Variants in ZNF226 observed in about 807,000 individuals in gnomAD.
ZNF226 encodes the protein Kruppel-associated box protein.
In ZNF226, 6 loss-of-function variants were observed where a neutral mutation model predicts 11.4. The observed-to-expected ratio is 0.53, with a 90% CI of 0.29 to 1.04. The LOEUF is 1.04. Among genes scored for constraint, ZNF226 ranks in the 50% least tolerant of loss-of-function variants. The pLI, the probability that ZNF226 is intolerant of heterozygous loss-of-function variation, is 0.08. For missense variants in ZNF226, 1,058 were observed against 956.5 expected, an observed-to-expected ratio of 1.11 and a Z score of -1.40; for synonymous variants, 350 against 322.8, an observed-to-expected ratio of 1.08 and a Z score of -0.90.
At chr19:44,190,420 G>A in the ZNF226 span, among the ~76,000 whole-genome samples, 2 of 151,918 alleles carry the variant, frequency 1.3e-5, no homozygotes, top group African/African-American at 2.4e-5. Context: ...TGCAAGCTCC[G>A]CCTCCCGGGT....
Position 44,175,942 on chromosome 19 carries a change from A to T in ZNF226, c.680A>T (p.Asn227Ile), listed in dbSNP as rs371556470. The T allele has an allele frequency of 3.7e-6, 6 of 1,613,824 alleles. No individual in the cohort carries two copies. The highest frequency in any genetic ancestry group is 5.1e-6 in the Non-Finnish European group (6 of 1,179,852). The part of the protein sequence containing the change: ...VHKSEKSYRP[N>I]DYEKDNMKIL... ...AAAAGTGAAAAATCTTATAGACCCA[A>T]TGATTATGAAAAAGACAACATGAAG... The change falls in exon 6 of 6, where the codon AAT becomes ATT. Residue 227 changes from asparagine (N) to isoleucine (I), a missense_variant. Asn to Ile is a moderately radical substitution (Grantham distance 149, BLOSUM62 -3). Transcript: ENST00000337433.
At chr19:44,172,335 C>A in intron 4 of ZNF226, 121 bp downstream of exon 4, 2 of 1,327,022 alleles carry the variant, frequency 1.5e-6, no homozygotes, top group Admixed American at 4.7e-5. Context: ...GATGCAGAGA[C>A]ACTGGATGTT....
At chr19:44,189,746 C>A in the ZNF226 span, among the ~76,000 whole-genome samples, 1 of 152,200 alleles carries the variant, frequency 6.6e-6, no homozygotes, top group East Asian at 1.9e-4. Context: ...GGGCAACAGT[C>A]TCATTATGAT....
the ZNF226 span, among the ~76,000 whole-genome samples, chr19:44,190,179 T>C: frequency 2.6e-4 from 39 of 152,280 alleles, no homozygotes; most frequent in African/African-American, 8.7e-4. Context: ...TAAGACTGAT[T>C]TGTTTGTAAA....
At chr19:44,175,306 GTGGACCATCTCTTGGTTT>G in intron 5 of ZNF226, 174 bp from the exon 6 acceptor site, 13 of 1,404,830 alleles carry the variant, frequency 9.3e-6, no homozygotes, top group Non-Finnish European at 1.1e-5. Flanking sequence ...TGGGAGCTTG[GTGGACCATCTCTTGGTTT>G]TGGACCATCT....
intron 5 of ZNF226, chr19:44,174,977 A>G: frequency 1.9e-6 from 3 of 1,609,816 alleles, no homozygotes; most frequent in Non-Finnish European, 2.5e-6. Context: ...TTCTTTTTGT[A>G]TTTCAGATAC....
chr19:44,187,214 G>A, the ZNF226 span, among the ~76,000 whole-genome samples: 1 of 151,812 alleles, frequency 6.6e-6, no homozygotes, highest in African/African-American at 2.4e-5. The surrounding 1 kb of genome is among the most constrained non-coding windows in gnomAD (Gnocchi z 4.0). Flanking sequence ...TTAAATATTT[G>A]GTAGAATTCT....
At chr19:44,182,695 TA>T (rs553447696), downstream of ZNF226, among the ~76,000 whole-genome samples, 103 of 151,676 alleles carry the variant, frequency 6.8e-4, no homozygotes, top group Admixed American at 1.6e-3. Context: ...AAATGGGCTT[TA>T]AAAAAAAATT....
At chr19:44,196,592 G>T in the ZNF226 span, among the ~76,000 whole-genome samples, 1 of 152,182 alleles carries the variant, frequency 6.6e-6, no homozygotes, top group Non-Finnish European at 1.5e-5. Context: ...CTCTAGATAT[G>T]AATTTGCCTT....
the ZNF226 span, among the ~76,000 whole-genome samples, chr19:44,190,298 G>A: frequency 6.6e-6 from 1 of 152,098 alleles, no homozygotes; most frequent in South Asian, 2.1e-4. Flanking sequence ...AGAGCAGCAA[G>A]AGTAGTAAAT....
the ZNF226 span, among the ~76,000 whole-genome samples, chr19:44,197,063 C>G: frequency 6.6e-6 from 1 of 152,054 alleles, no homozygotes; most frequent in African/African-American, 2.4e-5. Context: ...TTGTATATAT[C>G]CTTTTGTGTC....
intron 2 of ZNF226, among the ~76,000 whole-genome samples, 160 bp from the exon 3 acceptor site, chr19:44,169,875 G>C (rs1024187922): frequency 9.9e-5 from 15 of 152,164 alleles, no homozygotes; most frequent in African/African-American, 3.6e-4. Flanking sequence ...TGCTGAAAGG[G>C]GTAGTTGGAT....
At chr19:44,172,422 T>C in intron 4 of ZNF226, 1 of 524,108 alleles carries the variant, frequency 1.9e-6, no homozygotes, top group Non-Finnish European at 3.2e-6. Context: ...AACAGAATAC[T>C]GCTATGCCTT....
At chr19:44,199,384 T>C in the ZNF226 span, among the ~76,000 whole-genome samples, 1 of 152,112 alleles carries the variant, frequency 6.6e-6, no homozygotes. Context: ...CTTTGTTCCC[T>C]GGGCTGCCTT....
chr19:44,175,155 G>C, intron 5 of ZNF226: 1 of 1,499,990 alleles, frequency 6.7e-7, no homozygotes, highest in Non-Finnish European at 8.8e-7. Context: ...GTAACTTCTG[G>C]GCTGTGGTTG....
intron 5 of ZNF226, 53 bp downstream of exon 5, chr19:44,173,005 T>G: frequency 4.0e-6 from 6 of 1,508,882 alleles, no homozygotes; most frequent in Non-Finnish European, 5.4e-6. Flanking sequence ...TCTGCTTTGC[T>G]TCTTCTTAGC....
At chr19:44,178,647 G>GA (rs1970858044), downstream of ZNF226, among the ~76,000 whole-genome samples, 2 of 152,004 alleles carry the variant, frequency 1.3e-5, no homozygotes, top group South Asian at 2.1e-4. Context: ...TGGTGGCAGT[G>GA]AAAAAAATGC....
chr19:44,176,562 CTT>C lies in ZNF226; in HGVS notation c.1302_1303del (p.Tyr435HisfsTer13), dbSNP rs1970701228. The C allele has an allele frequency of 6.2e-7, 1 of 1,614,034 alleles. No homozygotes were observed. Among genetic ancestry groups the C allele is most frequent in the Non-Finnish European group, 8.5e-7 (1 of 1,180,026 alleles). ...TAAGGGCTTCATTTGTAGCTCAAAT[CTT>C]TACATTCATCAGAGAGTCCACACAG... is the stretch of plus-strand genomic sequence containing the variant. ...CGKGFICSSN[L>X]YIHQRVHTGE... On this transcript the variant is annotated frameshift_variant, in exon 6 of 6. Coordinates refer to ENST00000337433, the MANE Select transcript of ZNF226 (RefSeq NM_001032373.2). LOFTEE classifies it low-confidence loss of function (END_TRUNC).
At chr19:44,184,538 C>T in the ZNF226 span, among the ~76,000 whole-genome samples, 1 of 151,088 alleles carries the variant, frequency 6.6e-6, no homozygotes, top group Admixed American at 6.6e-5. Flanking sequence ...GCCGAGATTG[C>T]GCCACTGCAC....
Sources: gnomAD v4.1 joint callset for allele counts (sites outside exome capture counted in the v4.1 genomes callset) on GRCh38, gnomAD v4.1.1 for gene constraint, Gnocchi (gnomAD v3.1) non-coding constraint, MANE v1.5 for transcripts, NCBI Gene and HGNC (gene_info 2026-07-23, HGNC 2026-07-21) for gene names.